ATP8A1: variants seen among roughly 807,000 people sequenced by gnomAD.
ATP8A1 encodes the protein ATPase phospholipid transporting 8A1.
A neutral mutation model predicts 177.7 loss-of-function variants in ATP8A1; 90 were observed. That is an observed-to-expected ratio of 0.51 (90% CI 0.43 to 0.60). ATP8A1 has a LOEUF of 0.60. Ranked by LOEUF, ATP8A1 falls within the 20% of genes least tolerant of loss-of-function variation. ATP8A1 has a pLI of 0.00. For synonymous variants in ATP8A1, 493 were observed against 485.9 expected (o/e 1.01, Z -0.19); for missense variants, 1,072 against 1,392.8 (o/e 0.77, Z 3.67).
Position 42,473,542 on chromosome 4 carries a change from C to T in ATP8A1, c.2325-8466G>A, listed in dbSNP as rs548892755. 2.0e-4 allele frequency among the ~76,000 whole-genome samples: 31 copies of T among 152,294 alleles called. 1 individual carries two copies. Among genetic ancestry groups the T allele is most frequent in the African/African-American group, 7.2e-4 (30 of 41,558 alleles). On this transcript the variant is annotated intron_variant, in intron 25 of 36. Transcript: ENST00000381668. The stretch of plus-strand genomic sequence containing the variant: ...GTCTCAGAGTGGCCTCCATTCCCTT[C>T]CCATTCCCAGTGTCTGACTGGAGCA...
intron 24 of ATP8A1, among the ~76,000 whole-genome samples, chr4:42,496,329 C>T (rs1302330506): frequency 6.6e-6 from 1 of 152,084 alleles, no homozygotes; most frequent in Admixed American, 6.6e-5. Context: ...CCAAAGCCCC[C>T]ATGGTAATTA....
chr4:42,518,911 A>G (rs891092969), intron 22 of ATP8A1, among the ~76,000 whole-genome samples: 1 of 152,188 alleles, frequency 6.6e-6, no homozygotes, highest in African/African-American at 2.4e-5. Context: ...AGTAAATCAC[A>G]ACTTCTGAAC....
rs187284886 is a variant in ATP8A1 at position 42,596,319 on chromosome 4, A to G, written c.450+4159T>C. On this transcript the variant is annotated intron_variant, in intron 6 of 36. Coordinates refer to ENST00000381668, the MANE Select transcript of ATP8A1 (RefSeq NM_006095.2). ...GCCTTCTGAAGTCACTCATATTTGC[A>G]ACATCAAGGATTATGTAAAATAGTA... Among the ~76,000 whole-genome samples the G allele has an allele frequency of 1.7e-4, 26 of 152,346 alleles. No individual in the cohort carries two copies. In the East Asian group the frequency reaches 3.9e-3, roughly 23 times the overall value.
intron 1 of ATP8A1, among the ~76,000 whole-genome samples, chr4:42,655,407 T>G (rs1577799112): frequency 6.6e-6 from 1 of 152,194 alleles, no homozygotes; most frequent in Non-Finnish European, 1.5e-5. Flanking sequence ...CTCTTCCCCT[T>G]ATTTCCCACA....
intron 25 of ATP8A1, among the ~76,000 whole-genome samples, chr4:42,474,492 A>C (rs1170188226): frequency 6.6e-6 from 1 of 152,212 alleles, no homozygotes; most frequent in Non-Finnish European, 1.5e-5. Flanking sequence ...GTACATCCTC[A>C]GTGCCCTAAA....
At position 42,408,762 on chromosome 4, in the gene ATP8A1, G is replaced by A. The variant is rs563131271; in HGVS notation, c.*4154C>T. On this transcript the variant is annotated 3_prime_UTR_variant, in exon 37 of 37. Coordinates refer to ENST00000381668, the MANE Select transcript of ATP8A1 (RefSeq NM_006095.2). ...TAAACTTGAAAATGTAAAAAATGACGATTAAAGTAGTTAAACAACAGATAG... is the reference window on the plus strand; with the variant it reads ...TAAACTTGAAAATGTAAAAAATGACAATTAAAGTAGTTAAACAACAGATAG... 2.0e-5 allele frequency: 3 copies of A among 152,232 alleles called. No homozygotes were observed. Among genetic ancestry groups the A allele is most frequent in the Admixed American group, 6.5e-5 (1 of 15,280 alleles). The allele number at this position is 152,232 out of a possible 1,614,324, so 9.4% of individuals were successfully genotyped here.
intron 25 of ATP8A1, among the ~76,000 whole-genome samples, chr4:42,482,447 C>A (rs1721788860): frequency 6.6e-6 from 1 of 152,096 alleles, no homozygotes; most frequent in African/African-American, 2.4e-5. Flanking sequence ...AACATTCAAC[C>A]TATACTTTAG....
intron 20 of ATP8A1, among the ~76,000 whole-genome samples, chr4:42,535,216 G>C (rs1727683326): frequency 6.6e-6 from 1 of 152,094 alleles, no homozygotes; most frequent in Admixed American, 6.5e-5. Context: ...TGCTGTCTTT[G>C]AGAGACTTAC....
intron 22 of ATP8A1, among the ~76,000 whole-genome samples, chr4:42,511,941 G>A (rs190636563): frequency 6.6e-6 from 1 of 152,224 alleles, no homozygotes; most frequent in East Asian, 1.9e-4. Flanking sequence ...TAAAGACAAA[G>A]TAATATTATT....
intron 24 of ATP8A1, among the ~76,000 whole-genome samples, chr4:42,489,215 C>T (rs1196186216): frequency 3.3e-5 from 5 of 152,140 alleles, no homozygotes; most frequent in African/African-American, 1.2e-4. Flanking sequence ...AAACCTGAGA[C>T]GGACCTCAGG....
chr4:42,408,979 T>C lies in ATP8A1; in HGVS notation c.*3937A>G, dbSNP rs896614194. 6 of 152,202 alleles carry C rather than the reference T, an allele frequency of 3.9e-5. No individual in the cohort carries two copies. Among genetic ancestry groups the C allele is most frequent in the Non-Finnish European group, 7.4e-5 (5 of 68,018 alleles). The allele number at this position is 152,202 out of a possible 1,614,324, so 9.4% of individuals were successfully genotyped here. ...TGCTGAGAAGTTTTGGGAGCTTTAT[T>C]AAGAAAAGTTCTTAGAGGCAAGCTA... is the stretch of plus-strand genomic sequence containing the variant. On this transcript the variant is annotated 3_prime_UTR_variant, in exon 37 of 37. Coordinates refer to ENST00000381668, the MANE Select transcript of ATP8A1 (RefSeq NM_006095.2).
At chr4:42,481,930 A>G (rs938659322) in intron 25 of ATP8A1, among the ~76,000 whole-genome samples, 6 of 152,240 alleles carry the variant, frequency 3.9e-5, no homozygotes, top group Non-Finnish European at 8.8e-5. Context: ...ATCAGAAACT[A>G]TCTATAAATT....
intron 32 of ATP8A1, among the ~76,000 whole-genome samples, 179 bp from the exon 33 acceptor site, chr4:42,443,851 C>T (rs1430725492): frequency 3.3e-5 from 5 of 152,158 alleles, no homozygotes; most frequent in African/African-American, 1.2e-4. Flanking sequence ...CTAATCTCTT[C>T]TACAACAGTT....
intron 22 of ATP8A1, among the ~76,000 whole-genome samples, chr4:42,517,419 C>T (rs1381735548): frequency 6.6e-6 from 1 of 151,416 alleles, no homozygotes; most frequent in Non-Finnish European, 1.5e-5. Flanking sequence ...TGAGATAAAA[C>T]AGGTCAAGTT....
At chr4:42,513,710 T>C (rs1415666128) in intron 22 of ATP8A1, among the ~76,000 whole-genome samples, 1 of 152,198 alleles carries the variant, frequency 6.6e-6, no homozygotes, top group Non-Finnish European at 1.5e-5. Flanking sequence ...TGGAAAGGTC[T>C]GTGTGTTATG....
chr4:42,636,848 T>A (rs1027333037), intron 1 of ATP8A1, among the ~76,000 whole-genome samples: 1 of 152,176 alleles, frequency 6.6e-6, no homozygotes, highest in Admixed American at 6.5e-5. Context: ...GTCAGTCAAT[T>A]TGCCATCTGG....
intron 27 of ATP8A1, among the ~76,000 whole-genome samples, chr4:42,456,916 C>T (rs551766782): frequency 6.6e-6 from 1 of 152,264 alleles, no homozygotes; most frequent in Admixed American, 6.5e-5. Flanking sequence ...GCTGGCCTCC[C>T]TATGAACAGG....
chr4:42,465,191 C>T, intron 25 of ATP8A1, 115 bp from the exon 26 acceptor site: 1 of 904,946 alleles, frequency 1.1e-6, no homozygotes, highest in Non-Finnish European at 1.7e-6. Flanking sequence ...TCTGAAGAAA[C>T]CTTATGATAA....
intron 1 of ATP8A1, among the ~76,000 whole-genome samples, chr4:42,632,402 T>C (rs902896343): frequency 6.6e-6 from 1 of 152,154 alleles, no homozygotes; most frequent in African/African-American, 2.4e-5. Flanking sequence ...GAATTGTGGT[T>C]TATCTCAAGC....
Sources: gnomAD v4.1 joint callset for allele counts (sites outside exome capture counted in the v4.1 genomes callset) on GRCh38, gnomAD v4.1.1 for gene constraint, MANE v1.5 for transcripts, NCBI Gene and HGNC (gene_info 2026-07-23, HGNC 2026-07-21) for gene names.